The following SLCO5A1 variants were observed in gnomAD, a reference collection of about 807,000 sequenced individuals.
SLCO5A1 encodes the protein solute carrier organic anion transporter family member 5A1, also known as organic anion transporter polypeptide-related protein 4.
Under a neutral mutation model 65.1 loss-of-function variants are expected in SLCO5A1, and 39 were observed. That is an observed-to-expected ratio of 0.60 (90% CI 0.46 to 0.78). The LOEUF (loss-of-function observed/expected upper bound fraction) is 0.78, where lower values mean the gene tolerates loss of function less well. Among genes scored for constraint, SLCO5A1 ranks in the 30% least tolerant of loss-of-function variants. The pLI, the probability that SLCO5A1 is intolerant of heterozygous loss-of-function variation, is 0.00. For synonymous variants in SLCO5A1, 438 were observed against 415.7 expected, an observed-to-expected ratio of 1.05 and a Z score of -0.65; for missense variants, 1,029 against 1,069.4, an observed-to-expected ratio of 0.96 and a Z score of 0.53.
At chr8:69,796,417 C>T (rs1342523754) in intron 2 of SLCO5A1, among the ~76,000 whole-genome samples, 2 of 151,908 alleles carry the variant, frequency 1.3e-5, no homozygotes, top group African/African-American at 2.4e-5. Context: ...AGTTCAAGAC[C>T]AGCCTGAGCA....
At chr8:69,687,866 C>T (rs191327892) in intron 6 of SLCO5A1, among the ~76,000 whole-genome samples, 146 of 151,216 alleles carry the variant, frequency 9.7e-4, no homozygotes, top group African/African-American at 3.1e-3. Context: ...TTAACATATA[C>T]ATAATCATAA....
intron 4 of SLCO5A1, among the ~76,000 whole-genome samples, chr8:69,740,502 T>C (rs1458900834): frequency 6.6e-6 from 1 of 152,176 alleles, no homozygotes; most frequent in African/African-American, 2.4e-5. Context: ...GATAGATACA[T>C]GGATGATAGA....
At chr8:69,701,998 T>G (rs1814759484) in intron 6 of SLCO5A1, among the ~76,000 whole-genome samples, 1 of 152,234 alleles carries the variant, frequency 6.6e-6, no homozygotes, top group Non-Finnish European at 1.5e-5. Flanking sequence ...CTTAGTTTGA[T>G]TAATTTATAT....
chr8:69,789,964 G>A (rs562503756), intron 2 of SLCO5A1, among the ~76,000 whole-genome samples: 13 of 151,992 alleles, frequency 8.6e-5, no homozygotes, highest in Admixed American at 2.6e-4. Context: ...AGGCTGAGGC[G>A]GGTGGATCAC....
At chr8:69,767,145 A>G (rs1247309136) in intron 2 of SLCO5A1, among the ~76,000 whole-genome samples, 1 of 152,222 alleles carries the variant, frequency 6.6e-6, no homozygotes, top group Admixed American at 6.5e-5. Flanking sequence ...TCAATGAACC[A>G]GTAATATAAA....
intron 2 of SLCO5A1, among the ~76,000 whole-genome samples, chr8:69,825,742 C>T (rs1820858828): frequency 1.3e-5 from 2 of 151,984 alleles, no homozygotes; most frequent in Admixed American, 1.3e-4. Context: ...CCCCATCAAG[C>T]TACCAATGAC....
At chr8:69,815,452 A>G (rs1820364460) in intron 2 of SLCO5A1, among the ~76,000 whole-genome samples, 1 of 152,076 alleles carries the variant, frequency 6.6e-6, no homozygotes, top group Non-Finnish European at 1.5e-5. Context: ...TTAAGCTCTC[A>G]TTTGTTTTTA....
At chr8:69,787,128 T>G (rs1819068263) in intron 2 of SLCO5A1, among the ~76,000 whole-genome samples, 1 of 152,196 alleles carries the variant, frequency 6.6e-6, no homozygotes, top group African/African-American at 2.4e-5. Flanking sequence ...GAGCCTTACG[T>G]CATTTCAACT....
intron 2 of SLCO5A1, among the ~76,000 whole-genome samples, chr8:69,814,314 A>C (rs181251716): frequency 2.0e-5 from 3 of 152,280 alleles, no homozygotes; most frequent in Non-Finnish European, 4.4e-5. Flanking sequence ...AAGTTCAAAT[A>C]CCTCAATAGC....
chr8:69,734,445 A>G (rs567181839), intron 5 of SLCO5A1, among the ~76,000 whole-genome samples: 21 of 152,352 alleles, frequency 1.4e-4, no homozygotes, highest in African/African-American at 5.1e-4. Context: ...CAGCGAAAAT[A>G]ATCTCTGTGA....
At chr8:69,728,374 A>T (rs1054926355) in intron 5 of SLCO5A1, among the ~76,000 whole-genome samples, 7 of 152,188 alleles carry the variant, frequency 4.6e-5, no homozygotes, top group African/African-American at 1.7e-4. Context: ...TATAGTTTTG[A>T]CCTTCAAACC....
rs191214706 is a variant in SLCO5A1 at position 69,762,408 on chromosome 8, G to T, written c.908-533C>A. Among the ~76,000 whole-genome samples the T allele has an allele frequency of 1.5e-4, 23 of 151,966 alleles. 1 individual carries two copies. Among genetic ancestry groups the T allele is most frequent in the Admixed American group, 1.3e-3 (20 of 15,266 alleles). On this transcript the variant is annotated intron_variant, in intron 2 of 9. Transcript: ENST00000260126. ...TCACCATGTCAGCCAGGATGGTCTC[G>T]ATCTCCTGACCTCATGATCCACCTG...
chr8:69,825,769 G>GA (rs1298522220), intron 2 of SLCO5A1, among the ~76,000 whole-genome samples: 2 of 151,866 alleles, frequency 1.3e-5, no homozygotes, highest in Non-Finnish European at 2.9e-5. Flanking sequence ...CACAGAATTG[G>GA]AAAAAACTAC....
intron 2 of SLCO5A1, among the ~76,000 whole-genome samples, chr8:69,765,345 T>C (rs1174800246): frequency 1.3e-5 from 2 of 152,030 alleles, no homozygotes; most frequent in Admixed American, 6.5e-5. Context: ...ATTACAGTTA[T>C]ATAAGAATGT....
intron 7 of SLCO5A1, 146 bp from the exon 8 acceptor site, chr8:69,679,765 C>T (rs1453533682): frequency 1.7e-6 from 2 of 1,144,048 alleles, no homozygotes; most frequent in Non-Finnish European, 2.5e-6. Flanking sequence ...GTACCTTCCT[C>T]ATTGGTAACA....
intron 2 of SLCO5A1, among the ~76,000 whole-genome samples, chr8:69,820,131 A>G (rs1427836271): frequency 1.3e-5 from 2 of 152,194 alleles, no homozygotes; most frequent in Non-Finnish European, 2.9e-5. Flanking sequence ...TGCCTTCTCA[A>G]AATCACGTTA....
Position 69,673,118 on chromosome 8 carries a change from T to C in SLCO5A1, c.2298A>G (p.Gly766=). 1 of 1,614,238 alleles carries C rather than the reference T, an allele frequency of 6.2e-7. No individual in the cohort carries two copies. The change falls in exon 10 of 10, where the codon GGA becomes GGG. Residue 766 remains glycine (G), a synonymous_variant. Transcript: ENST00000260126. ...AWYSIKYKED[G]LQRRRQREFP... The stretch of plus-strand genomic sequence containing the variant: ...ATTCTCTCTGCCTCCGCCTCTGCAG[T>C]CCATCCTCCTTGTATTTTATGGAGT...
intron 2 of SLCO5A1, among the ~76,000 whole-genome samples, chr8:69,763,186 G>A (rs1817877653): frequency 1.3e-5 from 2 of 151,880 alleles, no homozygotes; most frequent in Non-Finnish European, 2.9e-5. Flanking sequence ...GCACGTGCCT[G>A]TAATCCTAGC....
At chr8:69,735,913 C>T (rs1342477728) in intron 5 of SLCO5A1, among the ~76,000 whole-genome samples, 1 of 152,188 alleles carries the variant, frequency 6.6e-6, no homozygotes, top group Non-Finnish European at 1.5e-5. Context: ...ACAGGCCCCC[C>T]TCTACTCTTA....
Sources: gnomAD v4.1 joint callset for allele counts (sites outside exome capture counted in the v4.1 genomes callset) on GRCh38, gnomAD v4.1.1 for gene constraint, MANE v1.5 for transcripts, NCBI Gene and HGNC (gene_info 2026-07-23, HGNC 2026-07-21) for gene names.